CLEC16A: variants seen among roughly 807,000 people sequenced by gnomAD.
CLEC16A encodes C-type lectin domain containing 16A.
A neutral mutation model predicts 109.5 loss-of-function variants in CLEC16A; 51 were observed. The observed-to-expected ratio is 0.47, with a 90% confidence interval of 0.37 to 0.59. CLEC16A has a LOEUF of 0.59. CLEC16A is among the 20% of genes least tolerant of loss of function. The pLI is 0.00. For missense variants in CLEC16A, 1,339 were observed against 1,394.0 expected (o/e 0.96, Z 0.63); for synonymous variants, 673 against 564.2 (o/e 1.19, Z -2.73).
chr16:11,027,430 C>T, intron 13 of CLEC16A: 1 of 1,515,168 alleles, frequency 6.6e-7, no homozygotes, highest in Non-Finnish European at 9.1e-7. Flanking sequence ...ATAGTGGAAA[C>T]TTATGTGACC....
At chr16:10,946,400 G>C (rs972328524) in intron 1 of CLEC16A, among the ~76,000 whole-genome samples, 6 of 152,296 alleles carry the variant, frequency 3.9e-5, no homozygotes, top group African/African-American at 1.4e-4. Context: ...CTTGAAGAGT[G>C]GGGAGCAGGA....
At chr16:10,973,251 G>A (rs531947929) in intron 7 of CLEC16A, among the ~76,000 whole-genome samples, 190 bp downstream of exon 7, 8 of 152,320 alleles carry the variant, frequency 5.3e-5, no homozygotes, top group African/African-American at 9.6e-5. Flanking sequence ...CAACTCAGAC[G>A]CCTCCCAGAG....
chr16:11,028,132 G>A (rs769912628), intron 13 of CLEC16A, among the ~76,000 whole-genome samples: 10 of 152,168 alleles, frequency 6.6e-5, no homozygotes, highest in Non-Finnish European at 1.5e-4. Context: ...CGTGGGAGGC[G>A]GAAGTTGCAG....
At chr16:11,142,288 G>T (rs900167992) in intron 22 of CLEC16A, among the ~76,000 whole-genome samples, 4 of 152,194 alleles carry the variant, frequency 2.6e-5, no homozygotes, top group African/African-American at 7.2e-5. Context: ...CAAAATTCTT[G>T]GCCTTGCCCT....
At chr16:10,996,610 G>C (rs1260114828) in intron 10 of CLEC16A, among the ~76,000 whole-genome samples, 6 of 152,136 alleles carry the variant, frequency 3.9e-5, no homozygotes, top group Non-Finnish European at 7.4e-5. Context: ...ATGCCTCCCA[G>C]CCCTGGCGCA....
At chr16:11,141,043 C>T (rs76035101) in intron 22 of CLEC16A, among the ~76,000 whole-genome samples, 7 of 152,244 alleles carry the variant, frequency 4.6e-5, no homozygotes, top group Admixed American at 6.5e-5. Context: ...AGGGCTCAGA[C>T]GGATAGAGCT....
At chr16:11,067,582 G>C (rs1426729216) in intron 19 of CLEC16A, among the ~76,000 whole-genome samples, 1 of 152,288 alleles carries the variant, frequency 6.6e-6, no homozygotes, top group East Asian at 1.9e-4. Flanking sequence ...GGCCCTGTGG[G>C]CATATCAAGT....
chr16:11,058,607 GTATTA>G (rs1471069476), intron 18 of CLEC16A, among the ~76,000 whole-genome samples: 1 of 151,846 alleles, frequency 6.6e-6, no homozygotes, highest in Non-Finnish European at 1.5e-5. Context: ...GACTGTATGT[GTATTA>G]TATTCTATTT....
chr16:11,060,839 G>A lies in CLEC16A; in HGVS notation c.1996-63G>A, dbSNP rs1597245958. 7 of 1,450,998 alleles carry A rather than the reference G, an allele frequency of 4.8e-6. No individual in the cohort carries two copies. In the East Asian group the frequency reaches 1.6e-4, roughly 32 times the overall value. 89.9% of individuals were successfully genotyped at this position (1,450,998 alleles called of 1,614,324 possible). On this transcript the variant is annotated intron_variant, in intron 18 of 23. Transcript: ENST00000409790. ...AGTCATGGTGTCATTTCTGGGTGTG[G>A]GGCATCTCACTGAAATGACTCTGCA...
At chr16:11,050,979 A>T (rs1227629180) in intron 17 of CLEC16A, among the ~76,000 whole-genome samples, 1 of 152,188 alleles carries the variant, frequency 6.6e-6, no homozygotes, top group Non-Finnish European at 1.5e-5. Flanking sequence ...GCGACCTTGG[A>T]TCCATTTTTC....
At chr16:11,132,513 C>T (rs184944727) in intron 22 of CLEC16A, among the ~76,000 whole-genome samples, 18 of 152,178 alleles carry the variant, frequency 1.2e-4, no homozygotes, top group East Asian at 1.9e-4. Context: ...TGGGTTGCTG[C>T]GAACATTCGT....
At chr16:10,971,090 C>T in intron 4 of CLEC16A, 35 bp from the exon 5 acceptor site, 1 of 1,419,282 alleles carries the variant, frequency 7.0e-7, no homozygotes, top group South Asian at 1.2e-5. Flanking sequence ...GGCTTATGGG[C>T]TTATAATTTG....
intron 19 of CLEC16A, among the ~76,000 whole-genome samples, chr16:11,107,607 C>T (rs376306466): frequency 9.8e-5 from 15 of 152,288 alleles, no homozygotes; most frequent in South Asian, 4.1e-4. Context: ...AGTCCCCCAC[C>T]GGAGTGAGTC....
chr16:11,142,495 T>G (rs2153068092), intron 22 of CLEC16A, among the ~76,000 whole-genome samples: 1 of 152,344 alleles, frequency 6.6e-6, no homozygotes, highest in African/African-American at 2.4e-5. Flanking sequence ...TGTCAACAGC[T>G]TTTTCTCCTG....
intron 22 of CLEC16A, among the ~76,000 whole-genome samples, chr16:11,152,322 C>G (rs538499030): frequency 1.3e-5 from 2 of 152,380 alleles, no homozygotes; most frequent in South Asian, 2.1e-4. Context: ...GATCTTCCCT[C>G]TGCAGGCGGG....
intron 10 of CLEC16A, among the ~76,000 whole-genome samples, chr16:10,999,965 T>C (rs1158449692): frequency 6.6e-6 from 1 of 152,122 alleles, no homozygotes; most frequent in Admixed American, 6.6e-5. Flanking sequence ...GCCTCCCGAG[T>C]AGTTGGGACT....
intron 10 of CLEC16A, among the ~76,000 whole-genome samples, chr16:10,990,972 G>T (rs973261676): frequency 1.3e-5 from 2 of 152,130 alleles, no homozygotes; most frequent in African/African-American, 4.8e-5. Context: ...TATTTATTCA[G>T]ATATTCAGCA....
At chr16:11,061,536 T>G (rs1354459207) in intron 19 of CLEC16A, among the ~76,000 whole-genome samples, 2 of 152,212 alleles carry the variant, frequency 1.3e-5, no homozygotes, top group Non-Finnish European at 2.9e-5. Flanking sequence ...CTCATTGTTC[T>G]CATCTGCAGC....
chr16:11,107,455 G>C (rs2051292517), intron 19 of CLEC16A, among the ~76,000 whole-genome samples: 1 of 152,206 alleles, frequency 6.6e-6, no homozygotes. Flanking sequence ...CTGGGTTGAT[G>C]GAGAAATGGT....
Sources: allele counts gnomAD v4.1 joint callset (sites outside exome capture counted in the v4.1 genomes callset), GRCh38; gene constraint gnomAD v4.1.1; transcripts MANE v1.5; gene names NCBI Gene and HGNC (gene_info 2026-07-23, HGNC 2026-07-21).